The following OLFM3 variants were observed in gnomAD, a reference collection of about 807,000 sequenced individuals.
OLFM3 encodes olfactomedin 3, also known as noelin-3.
In OLFM3, 20 loss-of-function variants were observed where a neutral mutation model predicts 48.6. That is an observed-to-expected ratio of 0.41 (90% confidence interval 0.29 to 0.60). The LOEUF is 0.60. Ranked by LOEUF, OLFM3 falls within the 20% of genes least tolerant of loss-of-function variation. OLFM3 has a pLI of 0.28. For missense variants in OLFM3, 437 were observed against 544.3 expected (o/e 0.80, Z 1.96); for synonymous variants, 222 against 198.1 (o/e 1.12, Z -1.01).
At position 101,982,882 on chromosome 1, in the gene OLFM3, C is replaced by G. The variant is rs1027785436; in HGVS notation, c.69+13866G>C. 2.7e-5 allele frequency among the ~76,000 whole-genome samples: 4 copies of G among 148,992 alleles called. No homozygotes were observed. In the Admixed American group the frequency reaches 2.7e-4, roughly 10 times the overall value. The stretch of plus-strand genomic sequence containing the variant: ...TGTGAGCCAATTTCTTATAATGAGT[C>G]TCACTCTCTGTCTCTGTCTTTCTTT... On this transcript the variant is annotated intron_variant, in intron 1 of 5. Transcript: ENST00000370103.
chr1:101,823,987 T>C (rs1040849112), intron 4 of OLFM3, among the ~76,000 whole-genome samples: 1 of 150,128 alleles, frequency 6.7e-6, no homozygotes, highest in Non-Finnish European at 1.5e-5. Context: ...GGATTCCTTT[T>C]TATCACTTGA....
At chr1:101,986,505 G>A (rs1408466219) in intron 1 of OLFM3, among the ~76,000 whole-genome samples, 1 of 151,994 alleles carries the variant, frequency 6.6e-6, no homozygotes, top group Non-Finnish European at 1.5e-5. Context: ...ATCCTATTTA[G>A]TATATGATTT....
chr1:101,982,501 G>T (rs1570688417), intron 1 of OLFM3, among the ~76,000 whole-genome samples: 2 of 152,146 alleles, frequency 1.3e-5, no homozygotes, highest in East Asian at 1.9e-4. Context: ...ACTTGACCAG[G>T]CTATGGAGTT....
At chr1:101,881,374 C>T (rs1430069788) in intron 1 of OLFM3, among the ~76,000 whole-genome samples, 2 of 151,856 alleles carry the variant, frequency 1.3e-5, no homozygotes, top group African/African-American at 2.4e-5. Context: ...TAGAGCTCTT[C>T]AATCCTAAGA....
intron 1 of OLFM3, among the ~76,000 whole-genome samples, chr1:101,996,425 A>C (rs2101128408): frequency 6.6e-6 from 1 of 152,310 alleles, no homozygotes; most frequent in Admixed American, 6.5e-5. Flanking sequence ...ACTCCTTTGC[A>C]TTACCCGTCC....
rs181266535 is a variant in OLFM3 at position 101,855,693 on chromosome 1, C to A, written c.70-18668G>T. On this transcript the variant is annotated intron_variant, in intron 1 of 5. Coordinates refer to ENST00000370103, the MANE Select transcript of OLFM3 (RefSeq NM_058170.4). ...TTGACACTCAGGTAAGGGCTTGGTC[C>A]CCCTGCTTTATTTTCACTGCAATCT... Among the ~76,000 whole-genome samples the A allele has an allele frequency of 3.5e-3, 525 of 152,134 alleles. 5 individuals are homozygous for A. The highest frequency in any genetic ancestry group is 0.012 in the African/African-American group (494 of 41,526).
intron 1 of OLFM3, among the ~76,000 whole-genome samples, chr1:101,979,413 TGG>T (rs1661043623): frequency 6.6e-6 from 1 of 152,168 alleles, no homozygotes; most frequent in African/African-American, 2.4e-5. Context: ...AATTGGATCA[TGG>T]GGGCGGTTTC....
At chr1:101,968,627 A>C (rs1238659218) in intron 1 of OLFM3, among the ~76,000 whole-genome samples, 1 of 151,758 alleles carries the variant, frequency 6.6e-6, no homozygotes, top group Non-Finnish European at 1.5e-5. Context: ...ACTTATATGG[A>C]AAAGGCAAAA....
In OLFM3 at chr1:101,970,608, T is replaced by A. The variant is rs79139485; in HGVS notation, c.69+26140A>T. 6.6e-3 allele frequency among the ~76,000 whole-genome samples: 1,009 copies of A among 152,354 alleles called. 9 individuals are homozygous for A. The highest frequency in any genetic ancestry group is 0.022 in the African/African-American group (926 of 41,586). On this transcript the variant is annotated intron_variant, in intron 1 of 5. Transcript: ENST00000370103. Reference sequence around the variant, plus strand: ...TGCCAGGCTCTGGGGATACAGATAATGAAGACAGGGCTCTGATTCTTGTCT... The same window carrying A: ...TGCCAGGCTCTGGGGATACAGATAAAGAAGACAGGGCTCTGATTCTTGTCT...
intron 1 of OLFM3, among the ~76,000 whole-genome samples, chr1:101,885,901 T>C (rs946561929): frequency 6.6e-6 from 1 of 152,114 alleles, no homozygotes; most frequent in Non-Finnish European, 1.5e-5. Flanking sequence ...AATCAAAAGT[T>C]ATACATGGAT....
chr1:101,973,027 G>T (rs1260617201), intron 1 of OLFM3, among the ~76,000 whole-genome samples: 3 of 152,182 alleles, frequency 2.0e-5, no homozygotes, highest in East Asian at 1.9e-4. Flanking sequence ...AAAAAAATAG[G>T]CTGTTTAAAT....
At chr1:101,900,551 C>A (rs78020250) in intron 1 of OLFM3, among the ~76,000 whole-genome samples, 6 of 151,828 alleles carry the variant, frequency 4.0e-5, no homozygotes, top group Admixed American at 1.3e-4. Context: ...GAGAGACAAG[C>A]TAATTTAGTG....
intron 1 of OLFM3, among the ~76,000 whole-genome samples, chr1:101,976,004 T>C (rs545109648): frequency 3.3e-5 from 5 of 152,156 alleles, no homozygotes; most frequent in Admixed American, 3.3e-4. Flanking sequence ...TATACTTAAG[T>C]GGACATTATT....
chr1:101,976,305 T>C (rs940441774), intron 1 of OLFM3, among the ~76,000 whole-genome samples: 2 of 152,208 alleles, frequency 1.3e-5, no homozygotes, highest in African/African-American at 4.8e-5. Flanking sequence ...TATCAGTAGC[T>C]GAACTGCATT....
chr1:101,870,210 A>T (rs943418940), intron 1 of OLFM3, among the ~76,000 whole-genome samples: 4 of 152,022 alleles, frequency 2.6e-5, no homozygotes. Context: ...TATAATGTGG[A>T]TATATCTCTT....
At chr1:101,935,877 G>T (rs1659597367) in intron 1 of OLFM3, among the ~76,000 whole-genome samples, 1 of 152,052 alleles carries the variant, frequency 6.6e-6, no homozygotes, top group African/African-American at 2.4e-5. Flanking sequence ...AAAACCACAT[G>T]ATCACCTTAA....
At chr1:101,883,229 G>A (rs1357380975) in intron 1 of OLFM3, among the ~76,000 whole-genome samples, 1 of 150,972 alleles carries the variant, frequency 6.6e-6, no homozygotes, top group Non-Finnish European at 1.5e-5. Flanking sequence ...CTTGACTCCT[G>A]GAGGATCCTT....
rs537942263 is a variant in OLFM3, at chr1:101,803,363, C to T, written c.*875G>A. ...ATCCAGATGCACCTTGTGCAAGAAA[C>T]TATATGGGTTGCATTCAGTGGAGTG... On this transcript the variant is annotated 3_prime_UTR_variant, in exon 6 of 6. Transcript: ENST00000370103. 9 of 152,140 alleles carry T rather than the reference C, an allele frequency of 5.9e-5. No homozygotes were observed. The East Asian group carries it at 1.8e-3, about 30-fold the overall frequency. The allele number at this position is 152,140 out of a possible 1,614,324, so 9.4% of individuals were successfully genotyped here. A position where few individuals can be genotyped will look rare whatever the true frequency, so the allele number is the denominator to read the frequency against.
At chr1:101,914,072 T>G (rs956055188) in intron 1 of OLFM3, among the ~76,000 whole-genome samples, 1 of 152,206 alleles carries the variant, frequency 6.6e-6, no homozygotes, top group Non-Finnish European at 1.5e-5. Flanking sequence ...TTTTTGTTAA[T>G]ATTTTCTAAG....
Sources: allele counts gnomAD v4.1 joint callset (sites outside exome capture counted in the v4.1 genomes callset), GRCh38; gene constraint gnomAD v4.1.1; transcripts MANE v1.5; gene names NCBI Gene and HGNC (gene_info 2026-07-23, HGNC 2026-07-21).